The following PAK3 variants were observed in gnomAD, a reference collection of about 807,000 sequenced individuals.
PAK3 encodes serine/threonine-protein kinase PAK 3.
Under a neutral mutation model 41.0 loss-of-function variants are expected in PAK3, and 4 were observed. The ratio of observed to expected loss-of-function variants is 0.10; its 90% confidence interval spans 0.05 to 0.22. The LOEUF is 0.22. Among genes scored for constraint, PAK3 ranks in the 10% least tolerant of loss-of-function variants. The pLI is 1.00. For synonymous variants in PAK3, 146 were observed against 139.6 expected (o/e 1.05, Z -0.32); for missense variants, 205 against 409.9 (o/e 0.50, Z 4.32).
intron 1 of PAK3, among the ~76,000 whole-genome samples, chrX:110,972,295 G>A (rs1461393763): frequency 9.0e-6 from 1 of 111,615 alleles, no homozygotes; most frequent in African/African-American, 3.3e-5. Context: ...CGACCCCCGT[G>A]TAGCCTAAAT....
chrX:110,991,064 G>A lies in PAK3; in HGVS notation c.-28+46436G>A, dbSNP rs141773958. On this transcript the variant is annotated intron_variant, in intron 1 of 14. Coordinates refer to the PAK3 transcript ENST00000425146. ...GGATCGCTTGAACCCTGGAGGCAGA[G>A]GTTACAGTGAGCCACTGAGATTGCA... 2.4e-3 allele frequency among the ~76,000 whole-genome samples: 258 copies of A among 109,652 alleles called. 1 individual carries two copies. Among genetic ancestry groups the A allele is most frequent in the African/African-American group, 8.4e-3 (252 of 30,098 alleles).
chrX:111,164,185 C>G (rs1451763311), intron 10 of PAK3, among the ~76,000 whole-genome samples: 2 of 110,962 alleles, frequency 1.8e-5, no homozygotes, highest in African/African-American at 6.6e-5. Context: ...ACAGAACTAG[C>G]AAATGCTAGT....
intron 1 of PAK3, among the ~76,000 whole-genome samples, chrX:110,989,077 AT>A (rs1476592091): frequency 8.9e-6 from 1 of 112,135 alleles, no homozygotes; most frequent in Non-Finnish European, 1.9e-5. Context: ...TCCTGACTTG[AT>A]ATGTTGAAGA....
chrX:111,216,295 C>T, intron 16 of PAK3, 126 bp from the exon 17 acceptor site: 1 of 517,418 alleles, frequency 1.9e-6, no homozygotes, highest in Non-Finnish European at 3.4e-6. Context: ...ATATATGTGT[C>T]ATTCTCTAAA....
At chrX:110,990,741 GA>G (rs1471083642) in intron 1 of PAK3, among the ~76,000 whole-genome samples, 1 of 111,189 alleles carries the variant, frequency 9.0e-6, no homozygotes, top group Non-Finnish European at 1.9e-5. Flanking sequence ...TACATGGACA[GA>G]AGGGTTCAAG....
intron 4 of PAK3, among the ~76,000 whole-genome samples, chrX:111,121,436 G>C (rs1160728600): frequency 1.8e-5 from 2 of 111,695 alleles, no homozygotes; most frequent in Admixed American, 1.9e-4. Flanking sequence ...ATATGTTTGA[G>C]AGAATTTAGA....
chrX:110,945,484 T>G (rs1489369790), intron 1 of PAK3, among the ~76,000 whole-genome samples: 1 of 111,791 alleles, frequency 8.9e-6, no homozygotes, highest in African/African-American at 3.3e-5. Flanking sequence ...CCAGATAGCG[T>G]TATTGTTCTC....
At chrX:111,219,360 G>A (rs1219313855) in intron 17 of PAK3, among the ~76,000 whole-genome samples, 2 of 110,022 alleles carry the variant, frequency 1.8e-5, no homozygotes, top group Non-Finnish European at 3.8e-5. Context: ...CATTCAGCAA[G>A]AGGACAAGTG....
At chrX:111,179,019 A>C (rs924083212) in intron 11 of PAK3, among the ~76,000 whole-genome samples, 18 of 105,809 alleles carry the variant, frequency 1.7e-4, no homozygotes, top group South Asian at 1.6e-3. Context: ...ATCTATATAT[A>C]TATATATATA....
chrX:111,221,542 G>C lies in PAK3; in HGVS notation c.*1095G>C, dbSNP rs1336559020. ...TATGCACTGTAAAATAGGCATACCAGGAGGAAATAGATACATTAATCATCA... is the reference window on the plus strand; with the variant it reads ...TATGCACTGTAAAATAGGCATACCACGAGGAAATAGATACATTAATCATCA... On this transcript the variant is annotated 3_prime_UTR_variant, in exon 18 of 18. Transcript: ENST00000372007. The C allele has an allele frequency of 8.9e-6, 1 of 112,054 alleles. No homozygotes were observed. The highest frequency in any genetic ancestry group is 1.9e-5 in the Non-Finnish European group (1 of 53,143). 9.2% of individuals were successfully genotyped at this position (112,054 alleles called of 1,213,427 possible).
intron 10 of PAK3, 83 bp from the exon 11 acceptor site, chrX:111,172,935 A>ACAGT: frequency 1.7e-6 from 1 of 583,547 alleles, no homozygotes; most frequent in East Asian, 3.5e-5. Flanking sequence ...AAATTAAAAA[A>ACAGT]CAGTCAATCA....
intron 1 of PAK3, among the ~76,000 whole-genome samples, chrX:110,986,481 A>G (rs1238987993): frequency 3.6e-5 from 4 of 112,074 alleles, no homozygotes; most frequent in African/African-American, 1.3e-4. Flanking sequence ...TCATGGGCAT[A>G]ACAGAAATTA....
chrX:111,167,300 G>A (rs1355612459), intron 10 of PAK3, among the ~76,000 whole-genome samples: 1 of 110,930 alleles, frequency 9.0e-6, no homozygotes, highest in Non-Finnish European at 1.9e-5. Flanking sequence ...AGAGGCAAAA[G>A]AGAGGAAAAA....
chrX:111,115,076 T>C (rs2148960389), intron 4 of PAK3, among the ~76,000 whole-genome samples: 1 of 112,360 alleles, frequency 8.9e-6, no homozygotes, highest in East Asian at 2.8e-4. Flanking sequence ...GTCTTTGCTT[T>C]GTATGTATAT....
intron 1 of PAK3, among the ~76,000 whole-genome samples, chrX:110,966,200 T>A (rs1366754722): frequency 8.9e-6 from 1 of 111,865 alleles, no homozygotes; most frequent in African/African-American, 3.3e-5. Context: ...GTAATAGTCT[T>A]TCTTGGCCCC....
chrX:111,057,218 A>T (rs995422320), intron 1 of PAK3, among the ~76,000 whole-genome samples: 3 of 111,882 alleles, frequency 2.7e-5, no homozygotes, highest in African/African-American at 9.7e-5. Flanking sequence ...AATGCTCAAC[A>T]TCACTAATCA....
At chrX:110,970,896 A>G (rs2091194026) in intron 1 of PAK3, among the ~76,000 whole-genome samples, 1 of 109,911 alleles carries the variant, frequency 9.1e-6, no homozygotes. Context: ...ATCTGTAAAT[A>G]GAGACAATTT....
intron 1 of PAK3, among the ~76,000 whole-genome samples, chrX:111,065,537 G>T (rs1419034558): frequency 1.8e-5 from 2 of 111,099 alleles, no homozygotes; most frequent in African/African-American, 6.5e-5. Flanking sequence ...TTCTGTCTTT[G>T]CTGGGTTTGG....
At chrX:111,103,607 A>G (rs774550217) in intron 4 of PAK3, among the ~76,000 whole-genome samples, 1 of 112,235 alleles carries the variant, frequency 8.9e-6, no homozygotes, top group Admixed American at 9.4e-5. Flanking sequence ...GAGCTTCAGT[A>G]TAACACAGAC....
Sources: allele counts gnomAD v4.1 joint callset (sites outside exome capture counted in the v4.1 genomes callset), GRCh38; gene constraint gnomAD v4.1.1; transcripts MANE v1.5; gene names NCBI Gene and HGNC (gene_info 2026-07-23, HGNC 2026-07-21).